RABGAP1: variants seen among roughly 807,000 people sequenced by gnomAD.
The protein encoded by RABGAP1 is rab GTPase-activating protein 1.
A neutral mutation model predicts 137.6 loss-of-function variants in RABGAP1; 23 were observed. The observed-to-expected ratio is 0.17, with a 90% CI of 0.12 to 0.24. The LOEUF (loss-of-function observed/expected upper bound fraction) is 0.24. RABGAP1 is among the 10% of genes least tolerant of loss of function. The pLI is 1.00. For missense variants in RABGAP1, 906 were observed against 1,275.8 expected, an observed-to-expected ratio of 0.71 and a Z score of 4.42; for synonymous variants, 451 against 450.7, an observed-to-expected ratio of 1.00 and a Z score of -0.01.
At chr9:123,066,388 T>C (rs1177645992) in intron 14 of RABGAP1, among the ~76,000 whole-genome samples, 1 of 152,204 alleles carries the variant, frequency 6.6e-6, no homozygotes, top group African/African-American at 2.4e-5. Flanking sequence ...ATCTCTCACT[T>C]TACTACAGAA....
intron 13 of RABGAP1, among the ~76,000 whole-genome samples, chr9:123,024,754 T>C (rs1448548522): frequency 6.6e-6 from 1 of 152,200 alleles, no homozygotes; most frequent in Non-Finnish European, 1.5e-5. Context: ...ATCTTTAGTT[T>C]GCAATTCTCT....
At chr9:122,952,363 A>G (rs1212481707) in intron 1 of RABGAP1, among the ~76,000 whole-genome samples, 1 of 151,678 alleles carries the variant, frequency 6.6e-6, no homozygotes, top group African/African-American at 2.4e-5. Context: ...GGTTCATGCC[A>G]TTCTTCTGCC....
intron 2 of RABGAP1, among the ~76,000 whole-genome samples, chr9:122,974,547 T>G (rs1835665994): frequency 1.3e-5 from 2 of 151,162 alleles, no homozygotes; most frequent in South Asian, 4.2e-4. Context: ...CCCAACACAC[T>G]TTGGGAGGTG....
At chr9:122,998,814 A>G (rs2131825091) in intron 10 of RABGAP1, 48 bp downstream of exon 10, 2 of 1,296,102 alleles carry the variant, frequency 1.5e-6, no homozygotes, top group East Asian at 2.4e-5. Flanking sequence ...GAAAGGAGAA[A>G]TCACGTCTGA....
intron 21 of RABGAP1, among the ~76,000 whole-genome samples, chr9:123,091,825 G>T (rs1206339979): frequency 2.0e-5 from 3 of 152,080 alleles, no homozygotes; most frequent in Non-Finnish European, 4.4e-5. Flanking sequence ...CTGCTCATCA[G>T]GGTTGAGTTT....
intron 21 of RABGAP1, among the ~76,000 whole-genome samples, chr9:123,096,875 C>A (rs992082109): frequency 1.3e-5 from 2 of 152,136 alleles, no homozygotes; most frequent in African/African-American, 4.8e-5. Flanking sequence ...TGGCCCAGTT[C>A]CCCATTTAAG....
rs757013750 is a variant in RABGAP1, at chr9:123,020,274, C to A, written c.1644-35C>A. 2.1e-6 allele frequency: 3 copies of A among 1,420,280 alleles called. No homozygotes were observed. In the South Asian group the frequency reaches 5.0e-5, roughly 24 times the overall value. The allele number at this position is 1,420,280 out of a possible 1,614,324, so 88.0% of individuals were successfully genotyped here. On this transcript the variant is annotated intron_variant, in intron 12 of 25. Coordinates refer to ENST00000373647, the MANE Select transcript of RABGAP1 (RefSeq NM_012197.4). ...ACATTCTTTAGAGAATCTTATCTTCCTTTTATGATTTATGGTTTATGGCCT... is the reference window on the plus strand; with the variant it reads ...ACATTCTTTAGAGAATCTTATCTTCATTTTATGATTTATGGTTTATGGCCT...
chr9:123,034,471 C>T (rs941433973), intron 13 of RABGAP1: 5 of 751,318 alleles, frequency 6.7e-6, no homozygotes, highest in Non-Finnish European at 1.1e-5. Flanking sequence ...TTATTACACA[C>T]ATGCAAAGCT....
intron 19 of RABGAP1, among the ~76,000 whole-genome samples, chr9:123,079,661 T>G (rs1377969011): frequency 5.9e-5 from 9 of 152,186 alleles, no homozygotes; most frequent in Admixed American, 5.9e-4. Flanking sequence ...CCCCTTCTCC[T>G]TCCAATTCAG....
intron 4 of RABGAP1, among the ~76,000 whole-genome samples, chr9:122,987,221 T>C (rs138838901): frequency 1.9e-3 from 292 of 152,284 alleles, no homozygotes; most frequent in African/African-American, 6.3e-3. Flanking sequence ...CAAATAACAA[T>C]TGCAGATAGC....
At chr9:123,047,972 C>T (rs1247126352) in intron 13 of RABGAP1, among the ~76,000 whole-genome samples, 3 of 100,218 alleles carry the variant, frequency 3.0e-5, no homozygotes, top group African/African-American at 6.8e-5. Flanking sequence ...GAGTCTTGCT[C>T]TTGCTGCCCA....
chr9:123,036,538 AAGACTTCTGAAATATTAGAACATC>A (rs2032672243), intron 13 of RABGAP1, among the ~76,000 whole-genome samples: 1 of 152,200 alleles, frequency 6.6e-6, no homozygotes, highest in Non-Finnish European at 1.5e-5. Flanking sequence ...TTTCTATTCA[AAGACTTCTGAAATATTAGAACATC>A]AGGGAGAAGG....
intron 17 of RABGAP1, among the ~76,000 whole-genome samples, chr9:123,075,248 A>G (rs1257141564): frequency 1.3e-5 from 2 of 152,154 alleles, no homozygotes; most frequent in African/African-American, 4.8e-5. Flanking sequence ...ATGTGTATGT[A>G]TAATTACTAT....
chr9:123,065,673 C>G, intron 14 of RABGAP1: 1 of 481,870 alleles, frequency 2.1e-6, no homozygotes. Context: ...TTTCCTTTCC[C>G]CTTCTAATCA....
chr9:123,094,631 G>C (rs935007946), intron 21 of RABGAP1, among the ~76,000 whole-genome samples: 2 of 152,038 alleles, frequency 1.3e-5, no homozygotes, highest in African/African-American at 4.8e-5. Context: ...GTTTTTGTCT[G>C]GTTTTGTCAT....
At position 123,049,708 on chromosome 9, in the gene RABGAP1, C is replaced by G. The variant is rs530056477; in HGVS notation, c.1795-15640C>G. On this transcript the variant is annotated intron_variant, in intron 13 of 25. Coordinates refer to ENST00000373647, the MANE Select transcript of RABGAP1 (RefSeq NM_012197.4). ...CTAATTGCAGATCCCCGACAGGGCACTAAGTCCCAAACAGGAAAACTTGCC... is the reference window on the plus strand; with the variant it reads ...CTAATTGCAGATCCCCGACAGGGCAGTAAGTCCCAAACAGGAAAACTTGCC... Among the ~76,000 whole-genome samples the G allele has an allele frequency of 1.1e-4, 16 of 152,310 alleles. No individual in the cohort carries two copies. The East Asian group carries it at 2.9e-3, about 28-fold the overall frequency.
chr9:123,076,546 G>C, intron 18 of RABGAP1, 88 bp from the exon 19 acceptor site: 1 of 1,399,696 alleles, frequency 7.1e-7, no homozygotes, highest in Non-Finnish European at 9.6e-7. Flanking sequence ...GATTGTAAAA[G>C]TGCTGAAAAG....
intron 10 of RABGAP1, among the ~76,000 whole-genome samples, chr9:123,001,805 C>G (rs561098307): frequency 1.3e-5 from 2 of 152,240 alleles, no homozygotes; most frequent in East Asian, 3.9e-4. Context: ...GAATAGTTCC[C>G]AGTACATAGT....
At chr9:122,960,799 G>A (rs1834812552) in intron 2 of RABGAP1, among the ~76,000 whole-genome samples, 1 of 152,092 alleles carries the variant, frequency 6.6e-6, no homozygotes, top group Non-Finnish European at 1.5e-5. Flanking sequence ...AGTTTCACAT[G>A]AAACAGAGAA....
Sources: gnomAD v4.1 joint callset for allele counts (sites outside exome capture counted in the v4.1 genomes callset) on GRCh38, gnomAD v4.1.1 for gene constraint, MANE v1.5 for transcripts, NCBI Gene and HGNC (gene_info 2026-07-23, HGNC 2026-07-21) for gene names.